Variants in CC2D1A observed in about 807,000 individuals in gnomAD.
CC2D1A encodes coiled-coil and C2 domain-containing protein 1A.
In CC2D1A, 68 loss-of-function variants were observed where a neutral mutation model predicts 123.8. That is an observed-to-expected ratio of 0.55 (90% CI 0.45 to 0.67). CC2D1A has a LOEUF of 0.67. CC2D1A is among the 30% of genes least tolerant of loss of function. The pLI, the probability that CC2D1A is intolerant of heterozygous loss-of-function variation, is 0.00. For missense variants in CC2D1A, 1,185 were observed against 1,290.3 expected, an observed-to-expected ratio of 0.92 and a Z score of 1.25; for synonymous variants, 477 against 528.0, an observed-to-expected ratio of 0.90 and a Z score of 1.32.
chr19:13,918,675 C>G, intron 8 of CC2D1A, 71 bp from the exon 9 acceptor site: 1 of 1,580,962 alleles, frequency 6.3e-7, no homozygotes, highest in South Asian at 1.1e-5. Flanking sequence ...AGAGACCACC[C>G]TCAGGCCAGA....
chr19:13,923,200 A>C lies in CC2D1A; in HGVS notation c.1642-133A>C, dbSNP rs1163119486. Reference sequence around the variant, plus strand: ...AGAGCGAGACTCCATCTCAAAAAAAAAAAAAGACCAGAGAAGGGTGACAGA... The same window carrying C: ...AGAGCGAGACTCCATCTCAAAAAAACAAAAAGACCAGAGAAGGGTGACAGA... On this transcript the variant is annotated intron_variant, in intron 14 of 28. Coordinates refer to ENST00000318003, the MANE Select transcript of CC2D1A (RefSeq NM_017721.5). The surrounding 1 kb of genome is among the most constrained non-coding windows in gnomAD (Gnocchi z 5.3). 1 of 1,195,936 alleles carries C rather than the reference A, an allele frequency of 8.4e-7. No homozygotes were observed. The highest frequency in any genetic ancestry group is 2.4e-5 in the East Asian group (1 of 41,916). The allele number at this position is 1,195,936 out of a possible 1,614,324, so 74.1% of individuals were successfully genotyped here.
rs534129236 is a variant in CC2D1A, at chr19:13,907,295, C to CTACT, written c.60+795_60+798dup. On this transcript the variant is annotated intron_variant, in intron 1 of 28. Coordinates refer to ENST00000318003, the MANE Select transcript of CC2D1A (RefSeq NM_017721.5). Reference sequence around the variant, plus strand: ...GGCATGGTGGCATGTGCCTGTAGTACTACTACTTGGGAGGCTAAGAAGGGA... The same window carrying CTACT: ...GGCATGGTGGCATGTGCCTGTAGTACTACTTACTACTTGGGAGGCTAAGAAGGGA... Among the ~76,000 whole-genome samples, 102 of 152,180 alleles carry CTACT rather than the reference C, an allele frequency of 6.7e-4. 1 individual carries two copies. The highest frequency in any genetic ancestry group is 2.3e-3 in the African/African-American group (95 of 41,528).
chr19:13,926,045 C>CGTATATATATGTATATAT (rs1568419032), intron 17 of CC2D1A, among the ~76,000 whole-genome samples: 3 of 108,180 alleles, frequency 2.8e-5, no homozygotes, highest in African/African-American at 5.6e-5. Context: ...TATATATATA[C>CGTATATATATGTATATAT]ACGTATATAT....
chr19:13,917,986 A>G, intron 6 of CC2D1A, 84 bp from the exon 7 acceptor site: 6 of 1,453,354 alleles, frequency 4.1e-6, no homozygotes, highest in Non-Finnish European at 5.5e-6. Flanking sequence ...GAAAAAAAAA[A>G]TTAAATAAAT....
chr19:13,917,253 T>G (rs1052531256), intron 6 of CC2D1A, among the ~76,000 whole-genome samples: 4 of 152,062 alleles, frequency 2.6e-5, no homozygotes, highest in Non-Finnish European at 5.9e-5. Context: ...GAGGATCACT[T>G]GAGCCCAGGA....
Position 13,920,825 on chromosome 19 carries a change from A to G in CC2D1A, c.1544A>G (p.Asn515Ser). The change falls in exon 14 of 29, where the codon AAC becomes AGC. Residue 515 changes from asparagine to serine, a missense_variant. Transcript: ENST00000318003. ...GCCGCACTGCGAGCCAAGCAGAAAA[A>G]CGACGTGGAGGGTGCCAAGATGCAC... Reference protein sequence around the residue: ...LQAALRAKQKNDVEGAKMHLR... With the variant: ...LQAALRAKQKSDVEGAKMHLR... 1 of 1,614,130 alleles carries G rather than the reference A, an allele frequency of 6.2e-7. No individual in the cohort carries two copies. The highest frequency in any genetic ancestry group is 8.5e-7 in the Non-Finnish European group (1 of 1,180,014).
intron 24 of CC2D1A, among the ~76,000 whole-genome samples, chr19:13,928,772 G>T (rs575981757): frequency 3.4e-5 from 5 of 146,992 alleles, no homozygotes; most frequent in African/African-American, 1.3e-4. Context: ...GCAATGGCGC[G>T]ATCTCAGCTC....
chr19:13,909,755 G>T, intron 1 of CC2D1A, 68 bp from the exon 2 acceptor site: 3 of 1,601,620 alleles, frequency 1.9e-6, no homozygotes, highest in Non-Finnish European at 2.6e-6. Context: ...GGGACTCTCT[G>T]GCCATCATGG....
At chr19:13,907,822 T>C (rs1462140006) in intron 1 of CC2D1A, among the ~76,000 whole-genome samples, 1 of 152,240 alleles carries the variant, frequency 6.6e-6, no homozygotes, top group Non-Finnish European at 1.5e-5. Flanking sequence ...CAATAAATGT[T>C]ACTATTATCA....
In CC2D1A at chr19:13,919,156, C is replaced by G. The variant is rs1291658149; in HGVS notation, c.1176C>G (p.His392Gln). Reference protein sequence around the residue: ...VKQYQDAIRAHKAGRAVDVAE... With the variant: ...VKQYQDAIRAQKAGRAVDVAE... Reference sequence around the variant, plus strand: ...AATACCAAGATGCCATCCGAGCCCACAAGGCTGGCCGAGCCGTGGATGTCG... The same window carrying G: ...AATACCAAGATGCCATCCGAGCCCAGAAGGCTGGCCGAGCCGTGGATGTCG... The change falls in exon 11 of 29, where the codon CAC becomes CAG. Residue 392 changes from histidine (H) to glutamine (Q), a missense_variant. Coordinates refer to ENST00000318003, the MANE Select transcript of CC2D1A (RefSeq NM_017721.5). The G allele has an allele frequency of 6.2e-7, 1 of 1,612,628 alleles. No individual in the cohort carries two copies. Among genetic ancestry groups the G allele is most frequent in the Non-Finnish European group, 8.5e-7 (1 of 1,179,524 alleles).
chr19:13,920,669 G>A lies in CC2D1A; in HGVS notation c.1468+1G>A. Reference sequence around the variant, plus strand: ...CCCCCCAAAGCCACATCCACCAGAGGTAAGTTCCCCCTCCCCGCCCCAGCT... The same window carrying A: ...CCCCCCAAAGCCACATCCACCAGAGATAAGTTCCCCCTCCCCGCCCCAGCT... On this transcript the variant is annotated splice_donor_variant, in intron 13 of 28. Transcript: ENST00000318003. LOFTEE classifies it high-confidence loss of function. The A allele has an allele frequency of 6.2e-7, 1 of 1,608,416 alleles. No individual in the cohort carries two copies. The highest frequency in any genetic ancestry group is 1.3e-5 in the African/African-American group (1 of 74,854).
In CC2D1A at chr19:13,920,899, G is replaced by GGGCT. The variant is rs1971392241; in HGVS notation, c.1620_1623dup (p.Pro542AlafsTer38). 3 of 1,613,776 alleles carry GGGCT rather than the reference G, an allele frequency of 1.9e-6. No individual in the cohort carries two copies. Among genetic ancestry groups the GGGCT allele is most frequent in the Non-Finnish European group, 2.5e-6 (3 of 1,179,886 alleles). On this transcript the variant is annotated frameshift_variant, in exon 14 of 29. Transcript: ENST00000318003. LOFTEE classifies it high-confidence loss of function. ...GCCTATGCTGGAGGCCTCGCGCAATGGGCTGCCTGTGGACATCACCAAGGT... is the reference window on the plus strand; with the variant it reads ...GCCTATGCTGGAGGCCTCGCGCAATGGGCTGGCTGCCTGTGGACATCACCAAGGT...
chr19:13,926,722 C>T lies in CC2D1A; in HGVS notation c.2070C>T (p.Asn690=), dbSNP rs752747668. 7.7e-5 allele frequency: 125 copies of T among 1,614,132 alleles called. No individual in the cohort carries two copies. Among genetic ancestry groups the T allele is most frequent in the Non-Finnish European group, 9.8e-5 (116 of 1,180,012 alleles). Residue 690 remains asparagine, a synonymous_variant, in exon 19 of 29, where the codon AAC becomes AAT. Coordinates refer to ENST00000318003, the MANE Select transcript of CC2D1A (RefSeq NM_017721.5). ...VFVRFDFPYP[N]VEEAQKDKTS... ...TTCGGTTTGACTTCCCCTATCCCAACGTGGTACGTGGGGAGCTGAGGAGGG... is the reference window on the plus strand; with the variant it reads ...TTCGGTTTGACTTCCCCTATCCCAATGTGGTACGTGGGGAGCTGAGGAGGG...
chr19:13,922,575 G>A (rs1047669182), intron 14 of CC2D1A, among the ~76,000 whole-genome samples: 1 of 152,118 alleles, frequency 6.6e-6, no homozygotes, highest in African/African-American at 2.4e-5. Context: ...TCTCCCTGTG[G>A]CATGTATCAC....
rs1970725006 is a variant in CC2D1A at position 13,906,322 on chromosome 19, C to T, written c.-120C>T. On this transcript the variant is annotated 5_prime_UTR_variant, in exon 1 of 29. Transcript: ENST00000318003. The surrounding 1 kb of genome is among the most constrained non-coding windows in gnomAD (Gnocchi z 4.1). Reference sequence around the variant, plus strand: ...AGCGAGGGCTCGGGATCGACGGCCGCGGGGCGCCGACGAGGAGTGCAGGAC... The same window carrying T: ...AGCGAGGGCTCGGGATCGACGGCCGTGGGGCGCCGACGAGGAGTGCAGGAC... 6.8e-6 allele frequency: 5 copies of T among 734,494 alleles called. No homozygotes were observed. Among genetic ancestry groups the T allele is most frequent in the Non-Finnish European group, 9.9e-6 (5 of 506,200 alleles). 45.5% of individuals were successfully genotyped at this position (734,494 alleles called of 1,614,324 possible).
At chr19:13,929,832 T>G (rs868447424) in intron 26 of CC2D1A, among the ~76,000 whole-genome samples, 172 bp downstream of exon 26, 1,240 of 14,586 alleles carry the variant, frequency 0.085, 99 homozygotes, top group South Asian at 0.13. Flanking sequence ...GATGGGCACC[T>G]GGAGGGGGAG....
chr19:13,909,681 C>T (rs1970924350), intron 1 of CC2D1A, 142 bp from the exon 2 acceptor site: 1 of 1,109,836 alleles, frequency 9.0e-7, no homozygotes, highest in African/African-American at 1.5e-5. Context: ...GGGCTTGTTC[C>T]AGCCTCCTGG....
chr19:13,926,740 G>A lies in CC2D1A; in HGVS notation c.2073+15G>A, dbSNP rs372814399. ...ATCCCAACGTGGTACGTGGGGAGCT[G>A]AGGAGGGGAGGGCTGCAGCCTCAGT... On this transcript the variant is annotated intron_variant, in intron 19 of 28. Coordinates refer to ENST00000318003, the MANE Select transcript of CC2D1A (RefSeq NM_017721.5). The A allele has an allele frequency of 6.2e-7, 1 of 1,614,152 alleles. No homozygotes were observed. The highest frequency in any genetic ancestry group is 1.1e-5 in the South Asian group (1 of 91,082).
chr19:13,917,985 AATT>A, intron 6 of CC2D1A, 82 bp from the exon 7 acceptor site: 1 of 1,452,672 alleles, frequency 6.9e-7, no homozygotes. Flanking sequence ...AGAAAAAAAA[AATT>A]AAATAAATAA....
Sources: allele counts gnomAD v4.1 joint callset (sites outside exome capture counted in the v4.1 genomes callset), GRCh38; gene constraint gnomAD v4.1.1; non-coding constraint Gnocchi (gnomAD v3.1); transcripts MANE v1.5; gene names NCBI Gene and HGNC (gene_info 2026-07-23, HGNC 2026-07-21).